Variants in HDAC9 observed in about 807,000 individuals in gnomAD.
The protein encoded by HDAC9 is histone deacetylase 9.
Under a neutral mutation model 139.4 loss-of-function variants are expected in HDAC9, and 41 were observed. The observed-to-expected ratio is 0.29, with a 90% CI of 0.23 to 0.38. HDAC9 has a LOEUF of 0.38. Ranked by LOEUF, HDAC9 falls within the 10% of genes least tolerant of loss-of-function variation. The probability of loss-of-function intolerance (pLI) is 1.00; values close to 1 mark genes in which losing one functional copy is unlikely to be tolerated. For synonymous variants in HDAC9, 517 were observed against 476.2 expected, an observed-to-expected ratio of 1.09 and a Z score of -1.12; for missense variants, 1,147 against 1,297.0, an observed-to-expected ratio of 0.88 and a Z score of 1.78.
intron 11 of HDAC9, among the ~76,000 whole-genome samples, chr7:18,653,063 C>T (rs1025365845): frequency 6.6e-6 from 1 of 151,756 alleles, no homozygotes; most frequent in Non-Finnish European, 1.5e-5. Context: ...ATGGAGAAAC[C>T]CCGTCTCTAC....
intron 22 of HDAC9, among the ~76,000 whole-genome samples, chr7:18,886,013 C>T (rs1465890887): frequency 6.6e-6 from 1 of 152,132 alleles, no homozygotes; most frequent in Admixed American, 6.5e-5. Flanking sequence ...AGAGTTCACT[C>T]ATATATATTT....
chr7:18,968,353 CT>C (rs1784019206), intron 24 of HDAC9, among the ~76,000 whole-genome samples: 1 of 152,170 alleles, frequency 6.6e-6, no homozygotes, highest in African/African-American at 2.4e-5. Context: ...AAGTGGACCT[CT>C]GACCCCATGT....
intron 2 of HDAC9, among the ~76,000 whole-genome samples, chr7:18,572,331 AATATGACTATTTGTC>A (rs1332529344): frequency 6.6e-6 from 1 of 151,214 alleles, no homozygotes; most frequent in Non-Finnish European, 1.5e-5. Flanking sequence ...CATATTCACA[AATATGACTATTTGTC>A]ATATTCAAAT....
intron 2 of HDAC9, among the ~76,000 whole-genome samples, chr7:18,265,467 G>A (rs541026855): frequency 3.3e-5 from 5 of 152,260 alleles, no homozygotes; most frequent in African/African-American, 1.2e-4. Flanking sequence ...GAAGCATGTG[G>A]CTAGAAAACA....
chr7:18,121,885 A>G lies in HDAC9; in HGVS notation c.-97+34672A>G, dbSNP rs17138621. On this transcript the variant is annotated intron_variant, in intron 1 of 12. Coordinates refer to the HDAC9 transcript ENST00000417496. Reference sequence around the variant, plus strand: ...GACACTCTGAAACTCTTAACAGTTTACAAAGAAGAGATGAAGAGATCTTGA... The same window carrying G: ...GACACTCTGAAACTCTTAACAGTTTGCAAAGAAGAGATGAAGAGATCTTGA... Among the ~76,000 whole-genome samples the G allele has an allele frequency of 3.1e-3, 476 of 152,328 alleles. 4 individuals are homozygous for G. The highest frequency in any genetic ancestry group is 0.027 in the East Asian group (141 of 5,174).
intron 1 of HDAC9, among the ~76,000 whole-genome samples, chr7:18,109,908 G>A (rs1402669176): frequency 6.6e-6 from 1 of 152,172 alleles, no homozygotes; most frequent in Admixed American, 6.5e-5. Flanking sequence ...ATCAATCATT[G>A]TATGGTGCTT....
intron 21 of HDAC9, among the ~76,000 whole-genome samples, chr7:18,872,854 A>G (rs1174324807): frequency 6.6e-6 from 1 of 152,150 alleles, no homozygotes; most frequent in African/African-American, 2.4e-5. Context: ...GATAGAGGGA[A>G]AAGAGATGGA....
At chr7:18,196,684 A>G (rs1227959431) in intron 2 of HDAC9, among the ~76,000 whole-genome samples, 1 of 152,184 alleles carries the variant, frequency 6.6e-6, no homozygotes, top group Non-Finnish European at 1.5e-5. Context: ...CAGGGATGGT[A>G]AGATAAAAAA....
At chr7:18,308,563 G>T (rs1166402103) in intron 1 of HDAC9, among the ~76,000 whole-genome samples, 7 of 152,136 alleles carry the variant, frequency 4.6e-5, no homozygotes, top group Non-Finnish European at 1.0e-4. Flanking sequence ...CTCAGTAGGT[G>T]ATTGAAGATG....
intron 1 of HDAC9, among the ~76,000 whole-genome samples, chr7:18,430,112 G>A (rs1026974642): frequency 2.0e-5 from 3 of 152,138 alleles, no homozygotes; most frequent in African/African-American, 7.2e-5. Flanking sequence ...AATATACAAA[G>A]TACGCAAAGC....
Position 18,629,452 on chromosome 7 carries a change from C to T in HDAC9, c.767C>T (p.Ser256Leu), listed in dbSNP as rs1244191603. Residue 256 changes from serine to leucine, a missense_variant, in exon 7 of 26, where the codon TCA becomes TTA. Coordinates refer to ENST00000686413, the MANE Select transcript of HDAC9 (RefSeq NM_178425.4). ...CGGAAGGATGGAAATGTTGTCACTTCATTCAAGAAGCGAATGTTTGAGGTG... is the reference window on the plus strand; with the variant it reads ...CGGAAGGATGGAAATGTTGTCACTTTATTCAAGAAGCGAATGTTTGAGGTG... The part of the protein sequence containing the change: ...LRRKDGNVVT[S>L]FKKRMFEVTE... 1 of 1,611,854 alleles carries T rather than the reference C, an allele frequency of 6.2e-7. No homozygotes were observed. The highest frequency in any genetic ancestry group is 8.5e-7 in the Non-Finnish European group (1 of 1,178,860).
chr7:18,870,151 C>G (rs1470353439), intron 21 of HDAC9, among the ~76,000 whole-genome samples: 1 of 152,050 alleles, frequency 6.6e-6, no homozygotes, highest in African/African-American at 2.4e-5. Context: ...TCAAAATTAA[C>G]AAAGTAATAT....
intron 6 of HDAC9, among the ~76,000 whole-genome samples, chr7:18,602,316 A>G (rs1275365452): frequency 1.3e-5 from 2 of 151,892 alleles, no homozygotes; most frequent in Non-Finnish European, 2.9e-5. Flanking sequence ...TTCATTTCTA[A>G]TATTAGTTAT....
intron 1 of HDAC9, among the ~76,000 whole-genome samples, chr7:18,390,943 G>T (rs142771496): frequency 5.6e-4 from 85 of 152,092 alleles, no homozygotes; most frequent in Non-Finnish European, 1.2e-4. Flanking sequence ...ACAAAAATTA[G>T]CCAGGCATGG....
chr7:18,108,768 C>T (rs868307985), intron 1 of HDAC9, among the ~76,000 whole-genome samples: 4 of 151,876 alleles, frequency 2.6e-5, no homozygotes, highest in African/African-American at 4.8e-5. Flanking sequence ...ATTACAGGCG[C>T]GTGCCACCAC....
At chr7:18,521,672 T>C (rs919439840) in intron 2 of HDAC9, among the ~76,000 whole-genome samples, 1 of 152,206 alleles carries the variant, frequency 6.6e-6, no homozygotes, top group Non-Finnish European at 1.5e-5. Context: ...ATGTTTGACT[T>C]GCAGCCATAT....
chr7:18,146,743 T>A (rs144972852), intron 1 of HDAC9, among the ~76,000 whole-genome samples: 102 of 152,342 alleles, frequency 6.7e-4, no homozygotes, highest in African/African-American at 2.3e-3. Flanking sequence ...AAGTTATTAA[T>A]GCTTCCTAGA....
At chr7:18,887,388 G>C (rs181488480) in intron 22 of HDAC9, among the ~76,000 whole-genome samples, 62 of 152,254 alleles carry the variant, frequency 4.1e-4, no homozygotes, top group African/African-American at 1.5e-3. Flanking sequence ...AAAGGAAACA[G>C]GATTTGGAAT....
chr7:18,625,826 C>G (rs61019782), intron 6 of HDAC9, among the ~76,000 whole-genome samples: 3 of 151,672 alleles, frequency 2.0e-5, no homozygotes, highest in Admixed American at 6.6e-5. Context: ...TGCCTGTAGT[C>G]TCAGCTACCT....
Sources: gnomAD v4.1 joint callset for allele counts (sites outside exome capture counted in the v4.1 genomes callset) on GRCh38, gnomAD v4.1.1 for gene constraint, MANE v1.5 for transcripts, NCBI Gene and HGNC (gene_info 2026-07-23, HGNC 2026-07-21) for gene names.